Variants in CRADD observed in about 807,000 individuals in gnomAD.
CRADD encodes CARD and death domain containing adaptor protein, also known as death domain-containing protein CRADD.
CRADD carries 9 observed loss-of-function variants against 15.5 expected under a neutral mutation model. That is an observed-to-expected ratio of 0.58 (90% CI 0.35 to 1.01). CRADD has a LOEUF of 1.01. Ranked by LOEUF, CRADD falls within the 50% of genes least tolerant of loss-of-function variation. The pLI is 0.02. For missense variants in CRADD, 227 were observed against 250.3 expected (o/e 0.91, Z 0.63); for synonymous variants, 118 against 107.6 (o/e 1.10, Z -0.60).
chr12:93,885,820 C>CTTGAGGTCAGGAGT (rs1232711754), intron 2 of CRADD, among the ~76,000 whole-genome samples: 20 of 152,274 alleles, frequency 1.3e-4, no homozygotes, highest in African/African-American at 4.6e-4. Context: ...AGGTGGATCA[C>CTTGAGGTCAGGAGT]TTGAGGTCAG....
intron 2 of CRADD, among the ~76,000 whole-genome samples, chr12:93,795,969 G>A (rs1295657711): frequency 2.0e-5 from 3 of 152,166 alleles, no homozygotes; most frequent in African/African-American, 7.2e-5. Context: ...CCTAACCAAG[G>A]TGAAATCTTT....
intron 2 of CRADD, among the ~76,000 whole-genome samples, chr12:93,822,163 G>C (rs1271188635): frequency 6.6e-6 from 1 of 151,286 alleles, no homozygotes; most frequent in Non-Finnish European, 1.5e-5. Flanking sequence ...GGCACAAAAA[G>C]AATTGAAAGG....
intron 2 of CRADD, among the ~76,000 whole-genome samples, chr12:93,757,774 G>GA (rs1956907689): frequency 6.6e-6 from 1 of 151,808 alleles, no homozygotes; most frequent in Admixed American, 6.6e-5. Flanking sequence ...GAAGGGTAGG[G>GA]AAAAAAAAGT....
chr12:93,810,838 CT>C (rs1453285185), intron 2 of CRADD, among the ~76,000 whole-genome samples: 2 of 152,148 alleles, frequency 1.3e-5, no homozygotes, highest in Non-Finnish European at 2.9e-5. Context: ...AATCAGTTAA[CT>C]GAGGTACAAG....
chr12:93,843,717 G>GTATTTATTTATT (rs1054879499), intron 2 of CRADD, among the ~76,000 whole-genome samples: 4 of 150,272 alleles, frequency 2.7e-5, no homozygotes, highest in African/African-American at 9.8e-5. Flanking sequence ...TTTTATTTAT[G>GTATTTATTTATT]TATTTATTTA....
intron 2 of CRADD, among the ~76,000 whole-genome samples, chr12:93,829,520 C>T (rs1305151183): frequency 6.6e-6 from 1 of 152,138 alleles, no homozygotes; most frequent in African/African-American, 2.4e-5. Flanking sequence ...TGTGAAACCT[C>T]TCAATTTTTA....
intron 2 of CRADD, among the ~76,000 whole-genome samples, chr12:93,788,505 C>T (rs1376498510): frequency 6.6e-6 from 1 of 152,132 alleles, no homozygotes; most frequent in African/African-American, 2.4e-5. Context: ...GCTCTCAGAG[C>T]ACCTCCTTAG....
At chr12:93,787,692 C>T (rs1297764345) in intron 2 of CRADD, among the ~76,000 whole-genome samples, 1 of 152,148 alleles carries the variant, frequency 6.6e-6, no homozygotes. Context: ...TGCCTCATAG[C>T]TGACTGTGAT....
intron 2 of CRADD, among the ~76,000 whole-genome samples, chr12:93,713,393 A>G (rs375033429): frequency 1.7e-4 from 26 of 152,268 alleles, no homozygotes; most frequent in African/African-American, 5.5e-4. Context: ...ATAGACTACC[A>G]TGTAATATAG....
intron 2 of CRADD, among the ~76,000 whole-genome samples, chr12:93,812,951 T>G (rs2137009784): frequency 6.6e-6 from 1 of 152,386 alleles, no homozygotes; most frequent in African/African-American, 2.4e-5. Flanking sequence ...TAGAATATCC[T>G]TATTTGTCCT....
rs1957807894 is a variant in CRADD at position 93,824,928 on chromosome 12, T to A, written c.299-25042T>A. 6.6e-6 allele frequency among the ~76,000 whole-genome samples: 1 copy of A among 152,230 alleles called. No homozygotes were observed. The highest frequency in any genetic ancestry group is 2.4e-5 in the African/African-American group (1 of 41,456). On this transcript the variant is annotated intron_variant, in intron 2 of 2. Coordinates refer to ENST00000332896, the MANE Select transcript of CRADD (RefSeq NM_003805.5). This position sits in a 1 kb window ranked among gnomAD's most constrained non-coding sequence, Gnocchi z 4.3. ...GCCAATTAAATGTTTACATTATCTT[T>A]TTGCTCAGATAGTTTTCACAAGTAT...
At position 93,692,126 on chromosome 12, in the gene CRADD, A is replaced by G. The variant is rs11107156; in HGVS notation, c.298+13054A>G. Among the ~76,000 whole-genome samples, 1,405 of 152,208 alleles carry G rather than the reference A, an allele frequency of 9.2e-3. 14 individuals are homozygous for G. The highest frequency in any genetic ancestry group is 0.032 in the African/African-American group (1,344 of 41,524). ...AATAGAGAGTATCAACAGCAGAATTAATCAAGCAGAAGAAAGAATCTGTAA... is the reference window on the plus strand; with the variant it reads ...AATAGAGAGTATCAACAGCAGAATTGATCAAGCAGAAGAAAGAATCTGTAA... On this transcript the variant is annotated intron_variant, in intron 2 of 2. Transcript: ENST00000332896.
At chr12:93,871,652 T>G (rs1212645924) in intron 2 of CRADD, among the ~76,000 whole-genome samples, 1 of 152,212 alleles carries the variant, frequency 6.6e-6, no homozygotes, top group Non-Finnish European at 1.5e-5. Context: ...CACAAATAAG[T>G]GAGAACATGC....
intron 2 of CRADD, among the ~76,000 whole-genome samples, chr12:93,779,632 C>T (rs1346001868): frequency 6.6e-6 from 1 of 151,016 alleles, no homozygotes; most frequent in Non-Finnish European, 1.5e-5. Context: ...CTCTGTCACC[C>T]AGGCTGGAGT....
At chr12:93,816,705 C>T (rs1314176108) in intron 2 of CRADD, among the ~76,000 whole-genome samples, 1 of 152,144 alleles carries the variant, frequency 6.6e-6, no homozygotes, top group Non-Finnish European at 1.5e-5. Context: ...CAATGGCTTT[C>T]AGCAGTTCTT....
intron 2 of CRADD, among the ~76,000 whole-genome samples, chr12:93,795,136 G>A (rs1957400672): frequency 6.6e-6 from 1 of 152,138 alleles, no homozygotes; most frequent in South Asian, 2.1e-4. Context: ...CAGCTACCTT[G>A]TTTGTCTTGT....
chr12:93,781,266 A>G (rs1957207162), intron 2 of CRADD, among the ~76,000 whole-genome samples: 1 of 152,118 alleles, frequency 6.6e-6, no homozygotes. Flanking sequence ...AAGACACAAG[A>G]CAATAAGACA....
Position 93,887,638 on chromosome 12 carries a change from T to C in CRADD, c.299-6412T>C, listed in dbSNP as rs540713951. On this transcript the variant is annotated intron_variant, in intron 2 of 2. Transcript: ENST00000548483. ...TGATTTGCACATCTGACTGAAATACTTGCTTTAGCAAGCACACTCTTTCCT... is the reference window on the plus strand; with the variant it reads ...TGATTTGCACATCTGACTGAAATACCTGCTTTAGCAAGCACACTCTTTCCT... Among the ~76,000 whole-genome samples the C allele has an allele frequency of 1.3e-4, 20 of 151,850 alleles. No homozygotes were observed. In the South Asian group the frequency reaches 4.2e-3, roughly 32 times the overall value.
intron 2 of CRADD, among the ~76,000 whole-genome samples, chr12:93,685,854 G>A (rs1312184941): frequency 6.6e-6 from 1 of 151,758 alleles, no homozygotes; most frequent in Non-Finnish European, 1.5e-5. Flanking sequence ...TTAGCCAGGC[G>A]TGGTGGCAGG....
Sources: allele counts gnomAD v4.1 joint callset (sites outside exome capture counted in the v4.1 genomes callset), GRCh38; gene constraint gnomAD v4.1.1; non-coding constraint Gnocchi (gnomAD v3.1); transcripts MANE v1.5; gene names NCBI Gene and HGNC (gene_info 2026-07-23, HGNC 2026-07-21).